CCDC68: variants seen among roughly 807,000 people sequenced by gnomAD.
CCDC68 encodes the protein coiled-coil domain containing 68.
CCDC68 carries 45 observed loss-of-function variants against 47.1 expected under a neutral mutation model. The observed-to-expected ratio is 0.96, with a 90% confidence interval of 0.75 to 1.23. CCDC68 has a LOEUF of 1.23. Among genes scored for constraint, CCDC68 ranks in the 50% most tolerant of loss-of-function variants. The probability of loss-of-function intolerance (pLI) is 0.00; values close to 1 mark genes in which losing one functional copy is unlikely to be tolerated. For missense variants in CCDC68, 353 were observed against 373.6 expected, an observed-to-expected ratio of 0.94 and a Z score of 0.45; for synonymous variants, 131 against 129.5, an observed-to-expected ratio of 1.01 and a Z score of -0.08.
intron 6 of CCDC68, 107 bp downstream of exon 6, chr18:54,936,724 CAA>C (rs1432718610): frequency 7.3e-7 from 1 of 1,366,234 alleles, no homozygotes; most frequent in African/African-American, 1.4e-5. Context: ...AGTCTTTTGC[CAA>C]GTCACTTGGC....
At chr18:54,946,725 C>A (rs1157412625) in intron 1 of CCDC68, among the ~76,000 whole-genome samples, 1 of 152,122 alleles carries the variant, frequency 6.6e-6, no homozygotes, top group Non-Finnish European at 1.5e-5. Flanking sequence ...AACTTCCCAC[C>A]TTTTCCACTC....
chr18:54,928,682 G>T, intron 8 of CCDC68, 118 bp downstream of exon 8: 1 of 668,052 alleles, frequency 1.5e-6, no homozygotes, highest in South Asian at 1.9e-5. Context: ...CCTTCCTCCT[G>T]CACTGTCAGT....
intron 10 of CCDC68, among the ~76,000 whole-genome samples, chr18:54,908,187 A>G (rs955664377): frequency 3.3e-5 from 5 of 152,222 alleles, no homozygotes; most frequent in Admixed American, 2.6e-4. Flanking sequence ...CTTTTAAGGA[A>G]CCTTGTTAAA....
chr18:54,912,516 T>C lies in CCDC68; in HGVS notation c.874-4654A>G, dbSNP rs373611212. Among the ~76,000 whole-genome samples, 220 of 152,240 alleles carry C rather than the reference T, an allele frequency of 1.4e-3. No individual in the cohort carries two copies. In the South Asian group the frequency reaches 0.015, roughly 11 times the overall value. ...AAAGCTAGAAGTAAGGTAGAAAATATTTAATACAGTAACTGTGACAATGAC... is the reference window on the plus strand; with the variant it reads ...AAAGCTAGAAGTAAGGTAGAAAATACTTAATACAGTAACTGTGACAATGAC... On this transcript the variant is annotated intron_variant, in intron 10 of 11. Coordinates refer to ENST00000591504, the MANE Select transcript of CCDC68 (RefSeq NM_025214.3).
At chr18:54,938,453 A>C (rs1052276282) in intron 4 of CCDC68, among the ~76,000 whole-genome samples, 2 of 152,252 alleles carry the variant, frequency 1.3e-5, no homozygotes, top group Non-Finnish European at 2.9e-5. Flanking sequence ...GTCACATTGC[A>C]TTATAGACTA....
intron 1 of CCDC68, among the ~76,000 whole-genome samples, chr18:54,953,206 C>T (rs2145653815): frequency 6.6e-6 from 1 of 152,160 alleles, no homozygotes; most frequent in South Asian, 2.1e-4. Flanking sequence ...GACAGGTTAA[C>T]TACAAAAGGA....
intron 6 of CCDC68, among the ~76,000 whole-genome samples, chr18:54,936,319 AACT>A (rs1485721001): frequency 6.8e-6 from 1 of 146,918 alleles, no homozygotes; most frequent in Non-Finnish European, 1.5e-5. Flanking sequence ...TAAAATATAT[AACT>A]TTATATATTA....
At chr18:54,904,509 A>G in intron 11 of CCDC68, 94 bp from the exon 12 acceptor site, 1 of 989,924 alleles carries the variant, frequency 1.0e-6, no homozygotes, top group East Asian at 2.4e-5. Context: ...AATACTATTC[A>G]CATCAAATCT....
intron 9 of CCDC68, 122 bp from the exon 10 acceptor site, chr18:54,918,118 A>C (rs1448011191): frequency 1.7e-6 from 1 of 586,750 alleles, no homozygotes; most frequent in Non-Finnish European, 3.0e-6. Context: ...AAAAAATTAA[A>C]TCCCAAAGCA....
intron 10 of CCDC68, among the ~76,000 whole-genome samples, chr18:54,913,144 G>A (rs1914465352): frequency 6.6e-6 from 1 of 152,172 alleles, no homozygotes; most frequent in African/African-American, 2.4e-5. Flanking sequence ...TTTTAAACAG[G>A]CTGCTTAACT....
chr18:54,913,248 T>G (rs528725065), intron 10 of CCDC68, among the ~76,000 whole-genome samples: 7 of 152,308 alleles, frequency 4.6e-5, no homozygotes, highest in African/African-American at 1.4e-4. Context: ...ATACGTAGCA[T>G]GACTAAACAG....
Position 54,928,818 on chromosome 18 carries a change from C to A in CCDC68, c.665G>T (p.Ser222Ile). 2 of 1,611,596 alleles carry A rather than the reference C, an allele frequency of 1.2e-6. No individual in the cohort carries two copies. The highest frequency in any genetic ancestry group is 1.7e-6 in the Non-Finnish European group (2 of 1,177,740). ...LENKLLQLKS[S>I]ATYGKSCQDL... ...CACAAACCTTTTTCCATATGTAGCA[C>A]TGGATTTGAGTTGCAGTAGCTTGTT... The change falls in exon 8 of 12, where the codon AGT becomes ATT. Residue 222 changes from serine (S) to isoleucine (I), a missense_variant. Physicochemically the swap from Ser to Ile is moderately radical, Grantham distance 142 (BLOSUM62 -2). Coordinates refer to ENST00000591504, the MANE Select transcript of CCDC68 (RefSeq NM_025214.3).
In CCDC68 at chr18:54,917,964, T is replaced by G. The variant is rs1462692621; in HGVS notation, c.822A>C (p.Gln274His). 1 of 1,563,672 alleles carries G rather than the reference T, an allele frequency of 6.4e-7. No homozygotes were observed. The highest frequency in any genetic ancestry group is 8.8e-7 in the Non-Finnish European group (1 of 1,138,752). Residue 274 changes from glutamine to histidine, a missense_variant, in exon 10 of 12, where the codon CAA becomes CAC. By Grantham distance (24) the Gln-to-His change is conservative (BLOSUM62 0). Coordinates refer to ENST00000591504, the MANE Select transcript of CCDC68 (RefSeq NM_025214.3). ...CTCTGAGATTTTCAATTCTTTTGTC[T>G]TGTTCTTTTAAATTATTTTTTAATC... ...MEGLKNNLKE[Q>H]DKRIENLREK...
At chr18:54,919,172 G>A (rs2044008544) in intron 9 of CCDC68, 99 bp downstream of exon 9, 2 of 871,690 alleles carry the variant, frequency 2.3e-6, no homozygotes, top group East Asian at 4.8e-5. Context: ...AGTAGGGAGA[G>A]AAATCTCATT....
At chr18:54,916,963 T>C (rs944676646) in intron 10 of CCDC68, among the ~76,000 whole-genome samples, 2 of 152,340 alleles carry the variant, frequency 1.3e-5, no homozygotes, top group African/African-American at 4.8e-5. Flanking sequence ...CCTGCTGCTA[T>C]GCAAGCTATG....
intron 8 of CCDC68, among the ~76,000 whole-genome samples, chr18:54,927,158 A>G (rs1225141852): frequency 6.6e-6 from 1 of 152,218 alleles, no homozygotes; most frequent in Non-Finnish European, 1.5e-5. Flanking sequence ...TCACAAACTG[A>G]ATGCCTCTAC....
chr18:54,958,452 A>G (rs1282265101), intron 1 of CCDC68, among the ~76,000 whole-genome samples: 13 of 152,222 alleles, frequency 8.5e-5, no homozygotes, highest in Admixed American at 7.9e-4. Flanking sequence ...TCTCCTCCCT[A>G]TCACAAACAC....
chr18:54,956,154 T>C (rs2044710329), intron 1 of CCDC68, among the ~76,000 whole-genome samples: 1 of 152,050 alleles, frequency 6.6e-6, no homozygotes, highest in African/African-American at 2.4e-5. Context: ...CACGCCCAGG[T>C]GATTTTTGTA....
chr18:54,950,577 A>G (rs985857750), intron 1 of CCDC68, among the ~76,000 whole-genome samples: 15 of 152,194 alleles, frequency 9.9e-5, no homozygotes, highest in African/African-American at 3.1e-4. Flanking sequence ...CTACATGCTA[A>G]TCATTTGTAT....
Sources: allele counts gnomAD v4.1 joint callset (sites outside exome capture counted in the v4.1 genomes callset), GRCh38; gene constraint gnomAD v4.1.1; transcripts MANE v1.5; gene names NCBI Gene and HGNC (gene_info 2026-07-23, HGNC 2026-07-21).